The following ATRNL1 variants were observed in gnomAD, a reference collection of about 807,000 sequenced individuals.
The protein encoded by ATRNL1 is attractin-like protein 1.
ATRNL1 carries 95 observed loss-of-function variants against 182.7 expected under a neutral mutation model. The observed-to-expected ratio is 0.52, with a 90% CI of 0.44 to 0.62. The LOEUF is 0.62. Ranked by LOEUF, ATRNL1 falls within the 20% of genes least tolerant of loss-of-function variation. The pLI is 0.00. For synonymous variants in ATRNL1, 576 were observed against 568.3 expected, an observed-to-expected ratio of 1.01 and a Z score of -0.19; for missense variants, 1,471 against 1,679.5, an observed-to-expected ratio of 0.88 and a Z score of 2.17.
At chr10:115,398,076 A>G (rs1374528016) in intron 20 of ATRNL1, among the ~76,000 whole-genome samples, 5 of 151,924 alleles carry the variant, frequency 3.3e-5, no homozygotes, top group Admixed American at 2.0e-4. Flanking sequence ...AGAAATTGGT[A>G]GAGTATGGAG....
In ATRNL1 at chr10:115,254,270, T is replaced by G. The variant is rs1309450042; in HGVS notation, c.1688-10923T>G. On this transcript the variant is annotated intron_variant, in intron 10 of 28. Coordinates refer to ENST00000355044, the MANE Select transcript of ATRNL1 (RefSeq NM_207303.4). ...TCCACCAACAGTGTAAAAACATTCC[T>G]ATTTCTCCGCATCCTCTCCAACATC... Among the ~76,000 whole-genome samples, 5 of 152,182 alleles carry G rather than the reference T, an allele frequency of 3.3e-5. No homozygotes were observed. In the East Asian group the frequency reaches 9.6e-4, roughly 29 times the overall value.
chr10:115,576,898 G>C (rs1368869319), intron 26 of ATRNL1, among the ~76,000 whole-genome samples: 1 of 151,752 alleles, frequency 6.6e-6, no homozygotes, highest in African/African-American at 2.4e-5. Context: ...TTCATTTTAA[G>C]TTGATCTTTG....
At chr10:115,927,683 A>G (rs1953275831) in intron 28 of ATRNL1, among the ~76,000 whole-genome samples, 1 of 152,144 alleles carries the variant, frequency 6.6e-6, no homozygotes, top group African/African-American at 2.4e-5. Context: ...TCTTTATCCA[A>G]ACCTTTTCAC....
intron 20 of ATRNL1, among the ~76,000 whole-genome samples, chr10:115,423,572 T>C (rs1246610198): frequency 1.3e-5 from 2 of 151,928 alleles, no homozygotes; most frequent in Non-Finnish European, 2.9e-5. Context: ...AAGTTAAAAA[T>C]TTAAAAAGAC....
intron 19 of ATRNL1, among the ~76,000 whole-genome samples, chr10:115,376,823 A>G (rs191098559): frequency 6.6e-6 from 1 of 152,260 alleles, no homozygotes; most frequent in Non-Finnish European, 1.5e-5. Context: ...CCTTTGTCAC[A>G]TCTTCTGGTG....
At chr10:115,640,086 A>C (rs1555029743) in intron 26 of ATRNL1, among the ~76,000 whole-genome samples, 1 of 152,098 alleles carries the variant, frequency 6.6e-6, no homozygotes, top group African/African-American at 2.4e-5. Context: ...AGCTTCATCC[A>C]TGTCCCTGCC....
intron 8 of ATRNL1, among the ~76,000 whole-genome samples, chr10:115,203,076 G>C (rs1554892882): frequency 6.6e-6 from 1 of 152,028 alleles, no homozygotes; most frequent in East Asian, 1.9e-4. Flanking sequence ...ATCGTTTATT[G>C]GAATAAGAGA....
At chr10:115,156,684 T>C (rs1554882189) in intron 5 of ATRNL1, among the ~76,000 whole-genome samples, 1 of 152,142 alleles carries the variant, frequency 6.6e-6, no homozygotes, top group Admixed American at 6.6e-5. Flanking sequence ...AATTGCACTA[T>C]AAGGTGAATT....
chr10:115,621,147 A>T (rs900383602), intron 26 of ATRNL1, among the ~76,000 whole-genome samples: 24 of 151,704 alleles, frequency 1.6e-4, no homozygotes, highest in African/African-American at 5.6e-4. Context: ...CAGCAGATTC[A>T]GAGTAGGCAG....
At chr10:115,460,770 T>C (rs1847756726) in intron 21 of ATRNL1, among the ~76,000 whole-genome samples, 1 of 152,154 alleles carries the variant, frequency 6.6e-6, no homozygotes, top group Admixed American at 6.6e-5. Context: ...TCTTCACTGG[T>C]TTATTCTTCT....
chr10:115,094,158 T>G, intron 1 of ATRNL1, 115 bp downstream of exon 1: 14 of 1,025,858 alleles, frequency 1.4e-5, no homozygotes, highest in South Asian at 3.3e-5. Context: ...CCCCCGGCCG[T>G]GAGTGAACCT....
At chr10:115,674,958 C>A (rs1945814458) in intron 26 of ATRNL1, among the ~76,000 whole-genome samples, 1 of 152,090 alleles carries the variant, frequency 6.6e-6, no homozygotes. Flanking sequence ...TGATACATTT[C>A]TCTCCTAAAA....
intron 27 of ATRNL1, among the ~76,000 whole-genome samples, chr10:115,780,670 C>T (rs1949243239): frequency 6.6e-6 from 1 of 152,110 alleles, no homozygotes; most frequent in South Asian, 2.1e-4. Flanking sequence ...CTTTCCAGGC[C>T]CTAGCTCCTG....
intron 16 of ATRNL1, among the ~76,000 whole-genome samples, chr10:115,301,240 T>G (rs1354220452): frequency 6.6e-6 from 1 of 152,162 alleles, no homozygotes; most frequent in Admixed American, 6.6e-5. Context: ...TGCTTTCACT[T>G]CTTTGGGGTA....
rs1554969767 is a variant in ATRNL1, at chr10:115,462,011, A to T, written c.3393A>T (p.Ile1131=). ...LQEDDRHHTA[I]NFIANPEQSN... is the part of the protein sequence containing the mutation. ...AAGATGATCGCCACCATACTGCCAT[A>T]AACTTTATAGCAAACCCAGAACAGG... Residue 1131 remains isoleucine (I), a synonymous_variant, in exon 22 of 29, where the codon ATA becomes ATT. Transcript: ENST00000355044. 6.2e-7 allele frequency: 1 copy of T among 1,610,094 alleles called. No homozygotes were observed. Among genetic ancestry groups the T allele is most frequent in the South Asian group, 1.1e-5 (1 of 90,722 alleles).
chr10:115,875,467 C>CT (rs2134426472), intron 28 of ATRNL1, among the ~76,000 whole-genome samples: 1 of 152,266 alleles, frequency 6.6e-6, no homozygotes, highest in East Asian at 1.9e-4. Flanking sequence ...TTCAGGGGCA[C>CT]TTTTTCTAAG....
chr10:115,382,686 T>A (rs2134236963), intron 19 of ATRNL1, among the ~76,000 whole-genome samples: 1 of 149,092 alleles, frequency 6.7e-6, no homozygotes, highest in African/African-American at 2.5e-5. Context: ...TTAATTCTGT[T>A]CTTTGCTTTT....
At chr10:115,817,011 T>G (rs1555088801) in intron 27 of ATRNL1, among the ~76,000 whole-genome samples, 1 of 152,068 alleles carries the variant, frequency 6.6e-6, no homozygotes, top group East Asian at 1.9e-4. Flanking sequence ...TGCAAGAAAA[T>G]TGATTCCCTA....
chr10:115,379,779 T>C (rs1857885222), intron 19 of ATRNL1, among the ~76,000 whole-genome samples: 1 of 152,196 alleles, frequency 6.6e-6, no homozygotes, highest in African/African-American at 2.4e-5. Flanking sequence ...ACAAACTTAA[T>C]GAAAAAACTG....
Sources: allele counts gnomAD v4.1 joint callset (sites outside exome capture counted in the v4.1 genomes callset), GRCh38; gene constraint gnomAD v4.1.1; transcripts MANE v1.5; gene names NCBI Gene and HGNC (gene_info 2026-07-23, HGNC 2026-07-21).